TTC28: variants seen among roughly 807,000 people sequenced by gnomAD.
TTC28 encodes tetratricopeptide repeat protein 28.
In TTC28, 61 loss-of-function variants were observed where a neutral mutation model predicts 198.0. That is an observed-to-expected ratio of 0.31 (90% CI 0.25 to 0.38). The LOEUF is 0.38. TTC28 is among the 10% of genes least tolerant of loss of function. TTC28 has a pLI of 1.00. For missense variants in TTC28, 2,678 were observed against 3,164.0 expected, an observed-to-expected ratio of 0.85 and a Z score of 3.69; for synonymous variants, 1,171 against 1,297.8, an observed-to-expected ratio of 0.90 and a Z score of 2.10.
chr22:28,392,714 G>A (rs1288516497), intron 2 of TTC28, among the ~76,000 whole-genome samples: 5 of 152,028 alleles, frequency 3.3e-5, no homozygotes, highest in Non-Finnish European at 5.9e-5. Context: ...CGCATGGTGC[G>A]CGCACCCACT....
chr22:28,430,887 GA>G (rs695539), intron 2 of TTC28, among the ~76,000 whole-genome samples: 72,531 of 134,586 alleles, frequency 0.54, 18,177 homozygotes, highest in South Asian at 0.6. Flanking sequence ...CATTGTAAAA[GA>G]AAAAAAAAAA....
intron 1 of TTC28, among the ~76,000 whole-genome samples, chr22:28,671,848 G>C (rs980826875): frequency 1.3e-5 from 2 of 151,154 alleles, no homozygotes; most frequent in South Asian, 2.1e-4. Flanking sequence ...GCTAATTTTT[G>C]TGTTTTTAGT....
intron 6 of TTC28, among the ~76,000 whole-genome samples, chr22:28,128,145 C>A (rs760140676): frequency 1.3e-5 from 2 of 152,196 alleles, no homozygotes; most frequent in Admixed American, 6.5e-5. Flanking sequence ...AGGGCTAGAC[C>A]CTCTTTCCTG....
At chr22:28,171,075 C>T (rs1031749092) in intron 5 of TTC28, among the ~76,000 whole-genome samples, 1 of 151,132 alleles carries the variant, frequency 6.6e-6, no homozygotes, top group African/African-American at 2.4e-5. Context: ...TGCTGGTGTA[C>T]TGAACCACAA....
At chr22:28,297,896 G>A (rs1276206024) in intron 3 of TTC28, 44 bp from the exon 4 acceptor site, 3 of 1,531,404 alleles carry the variant, frequency 2.0e-6, no homozygotes, top group Non-Finnish European at 2.6e-6. Flanking sequence ...GGAGAATGTA[G>A]GATGATACAA....
At chr22:28,524,503 C>T (rs1023571590) in intron 2 of TTC28, among the ~76,000 whole-genome samples, 1 of 149,720 alleles carries the variant, frequency 6.7e-6, no homozygotes, top group African/African-American at 2.5e-5. Context: ...CAGACAGGCA[C>T]AATGGCTCAT....
At chr22:28,230,971 A>G (rs2147227791) in intron 5 of TTC28, among the ~76,000 whole-genome samples, 1 of 152,292 alleles carries the variant, frequency 6.6e-6, no homozygotes, top group African/African-American at 2.4e-5. Flanking sequence ...CAAGTGTTTT[A>G]TGGGTATGAA....
intron 5 of TTC28, among the ~76,000 whole-genome samples, chr22:28,188,654 G>T (rs1359122596): frequency 2.0e-5 from 3 of 152,294 alleles, no homozygotes; most frequent in African/African-American, 4.8e-5. Flanking sequence ...GTCAGTGAAA[G>T]TCTGCATCCT....
At chr22:28,606,152 C>T (rs1184147519) in intron 2 of TTC28, among the ~76,000 whole-genome samples, 1 of 150,812 alleles carries the variant, frequency 6.6e-6, no homozygotes, top group East Asian at 1.9e-4. Context: ...GGCACGATCT[C>T]GGCTCACTGC....
At chr22:28,006,370 A>T (rs1420577405) in intron 14 of TTC28, among the ~76,000 whole-genome samples, 1 of 152,218 alleles carries the variant, frequency 6.6e-6, no homozygotes, top group East Asian at 1.9e-4. Context: ...CTCCAGACAT[A>T]TTGGTCAAAT....
At chr22:28,599,164 C>T (rs1322649443) in intron 2 of TTC28, among the ~76,000 whole-genome samples, 5 of 152,164 alleles carry the variant, frequency 3.3e-5, no homozygotes, top group Non-Finnish European at 7.3e-5. Context: ...ATCCTTTTGA[C>T]TAGTAAGGAT....
rs796325170 is a variant in TTC28, at chr22:28,066,275, CGTGT to C, written c.3932+27801_3932+27804del. On this transcript the variant is annotated intron_variant, in intron 12 of 22. Coordinates refer to ENST00000397906, the MANE Select transcript of TTC28 (RefSeq NM_001145418.2). ...CACATTAATTACCTTACCTAGTTAC[CGTGT>C]GTGTGTGTGTGTGTGTGTGTGTGTG... is the stretch of plus-strand genomic sequence containing the variant. 3.0e-3 allele frequency among the ~76,000 whole-genome samples: 405 copies of C among 135,662 alleles called. 3 individuals carry two copies. The highest frequency in any genetic ancestry group is 4.4e-3 in the African/African-American group (172 of 39,286). The allele number at this position is 135,662 out of a possible 152,430, so 89.0% of individuals were successfully genotyped here. A position where few individuals can be genotyped will look rare whatever the true frequency, so the allele number is the denominator to read the frequency against.
At chr22:28,644,772 G>A (rs952937593) in intron 1 of TTC28, among the ~76,000 whole-genome samples, 4 of 149,438 alleles carry the variant, frequency 2.7e-5, no homozygotes, top group Non-Finnish European at 4.5e-5. Flanking sequence ...GCAGTAAGCC[G>A]AGATCGCACC....
chr22:28,255,003 G>A (rs1259084913), intron 5 of TTC28, among the ~76,000 whole-genome samples: 1 of 152,098 alleles, frequency 6.6e-6, no homozygotes, highest in Non-Finnish European at 1.5e-5. Context: ...TATGGAGTCT[G>A]AATTTATATA....
At chr22:28,575,005 T>C (rs1019775093) in intron 2 of TTC28, among the ~76,000 whole-genome samples, 17 of 152,242 alleles carry the variant, frequency 1.1e-4, no homozygotes, top group Non-Finnish European at 1.8e-4. Context: ...ATTGTTTCCT[T>C]TGCTGTGCAG....
At chr22:28,252,364 G>A (rs1930571933) in intron 5 of TTC28, among the ~76,000 whole-genome samples, 1 of 152,146 alleles carries the variant, frequency 6.6e-6, no homozygotes, top group African/African-American at 2.4e-5. Flanking sequence ...GCAGAGAATG[G>A]CTGCAAGATC....
rs537393535 is a variant in TTC28 at position 28,234,435 on chromosome 22, C to T, written c.933+61763G>A. Among the ~76,000 whole-genome samples, 32 of 152,044 alleles carry T rather than the reference C, an allele frequency of 2.1e-4. 1 individual carries two copies. Among genetic ancestry groups the T allele is most frequent in the Admixed American group, 1.7e-3 (26 of 15,272 alleles). ...TCACCCAGGCTACAGTACAGTGGCA[C>T]GATCTCAGCTCACTGCAACCTCAGC... is the stretch of plus-strand genomic sequence containing the variant. On this transcript the variant is annotated intron_variant, in intron 5 of 22. Coordinates refer to ENST00000397906, the MANE Select transcript of TTC28 (RefSeq NM_001145418.2).
chr22:28,019,483 G>A (rs552822206), intron 13 of TTC28, among the ~76,000 whole-genome samples: 21 of 152,284 alleles, frequency 1.4e-4, no homozygotes, highest in East Asian at 1.4e-3. Flanking sequence ...TTGTGGTGGC[G>A]TGGTTTTGGG....
chr22:28,215,767 G>A (rs1295698529), intron 5 of TTC28, among the ~76,000 whole-genome samples: 1 of 151,992 alleles, frequency 6.6e-6, no homozygotes, highest in Non-Finnish European at 1.5e-5. Flanking sequence ...CTGATCTTAT[G>A]GTTACTATAA....
Sources: gnomAD v4.1 joint callset for allele counts (sites outside exome capture counted in the v4.1 genomes callset) on GRCh38, gnomAD v4.1.1 for gene constraint, MANE v1.5 for transcripts, NCBI Gene and HGNC (gene_info 2026-07-23, HGNC 2026-07-21) for gene names.